TAFA1: variants seen among roughly 807,000 people sequenced by gnomAD.
TAFA1 encodes the protein TAFA chemokine like family member 1.
Under a neutral mutation model 18.5 loss-of-function variants are expected in TAFA1, and 4 were observed. The ratio of observed to expected loss-of-function variants is 0.22; its 90% CI spans 0.11 to 0.49. TAFA1 has a LOEUF of 0.49. Among genes scored for constraint, TAFA1 ranks in the 20% least tolerant of loss-of-function variants. The pLI is 0.98. For synonymous variants in TAFA1, 56 were observed against 55.2 expected (o/e 1.01, Z -0.06); for missense variants, 147 against 169.0 (o/e 0.87, Z 0.72).
At chr3:68,452,611 A>G (rs2071584780) in intron 3 of TAFA1, among the ~76,000 whole-genome samples, 3 of 151,936 alleles carry the variant, frequency 2.0e-5, no homozygotes, top group South Asian at 2.1e-4. Flanking sequence ...AATGCCCTAT[A>G]TTGTGTCAAG....
chr3:68,139,685 T>A (rs1323290925), intron 2 of TAFA1, among the ~76,000 whole-genome samples: 1 of 152,220 alleles, frequency 6.6e-6, no homozygotes, highest in Non-Finnish European at 1.5e-5. Context: ...GTTAAGATCA[T>A]GTAATTATGC....
intron 2 of TAFA1, among the ~76,000 whole-genome samples, chr3:68,249,809 A>G (rs1372766336): frequency 1.3e-5 from 2 of 152,156 alleles, no homozygotes; most frequent in South Asian, 2.1e-4. Flanking sequence ...CATTGACCCA[A>G]TATGAAGCCC....
chr3:68,145,097 G>T lies in TAFA1; in HGVS notation c.118+138353G>T, dbSNP rs182572268. 5.4e-5 allele frequency: 64 copies of T among 1,186,872 alleles called. No individual in the cohort carries two copies. The East Asian group carries it at 1.5e-3, about 28-fold the overall frequency. 73.5% of individuals were successfully genotyped at this position (1,186,872 alleles called of 1,614,324 possible). On this transcript the variant is annotated intron_variant, in intron 2 of 4. Transcript: ENST00000478136. ...GGAGCTCGAGGCCCCTGGAGGAATT[G>T]CTACACCCCCAGTGTATGGTCAGCG... is the stretch of plus-strand genomic sequence containing the variant.
chr3:68,185,471 A>C (rs569843502), intron 2 of TAFA1, among the ~76,000 whole-genome samples: 2 of 152,162 alleles, frequency 1.3e-5, no homozygotes, highest in African/African-American at 2.4e-5. Flanking sequence ...GCTCCACCAG[A>C]GTACAGCTTG....
intron 2 of TAFA1, among the ~76,000 whole-genome samples, chr3:68,302,600 A>G (rs921372945): frequency 2.0e-5 from 3 of 151,986 alleles, no homozygotes; most frequent in African/African-American, 4.8e-5. Context: ...TTCCAAGAGA[A>G]TGGAGTACTT....
At chr3:68,438,617 T>G (rs1018314684) in intron 3 of TAFA1, among the ~76,000 whole-genome samples, 1 of 151,138 alleles carries the variant, frequency 6.6e-6, no homozygotes, top group Admixed American at 6.6e-5. Flanking sequence ...TCAACGCACC[T>G]TTCCACTCAG....
intron 2 of TAFA1, among the ~76,000 whole-genome samples, chr3:68,212,597 G>A (rs1212406904): frequency 2.0e-5 from 3 of 151,978 alleles, no homozygotes; most frequent in African/African-American, 7.2e-5. Context: ...CACTCATACA[G>A]TATAAGTGTG....
intron 3 of TAFA1, among the ~76,000 whole-genome samples, chr3:68,445,409 T>G (rs1207830182): frequency 6.6e-6 from 1 of 152,168 alleles, no homozygotes; most frequent in African/African-American, 2.4e-5. Context: ...ACAAGAATAT[T>G]GTTTTAATTA....
chr3:68,296,866 A>G (rs745536691), intron 2 of TAFA1, among the ~76,000 whole-genome samples: 5 of 152,244 alleles, frequency 3.3e-5, no homozygotes, highest in Non-Finnish European at 5.9e-5. Context: ...AAAAATTAAC[A>G]GTAGTAAATA....
intron 2 of TAFA1, among the ~76,000 whole-genome samples, chr3:68,237,661 C>T (rs545658906): frequency 1.3e-5 from 2 of 152,142 alleles, no homozygotes; most frequent in African/African-American, 4.8e-5. Flanking sequence ...TACCTATACA[C>T]TTTTTGCCTT....
intron 3 of TAFA1, among the ~76,000 whole-genome samples, chr3:68,443,000 A>C (rs892773167): frequency 2.0e-5 from 3 of 152,164 alleles, no homozygotes; most frequent in African/African-American, 7.2e-5. Context: ...ATGTGGTGAT[A>C]CAGGAAGCCT....
At chr3:68,389,400 T>A (rs925353257) in intron 2 of TAFA1, among the ~76,000 whole-genome samples, 12 of 152,210 alleles carry the variant, frequency 7.9e-5, no homozygotes, top group African/African-American at 2.9e-4. Context: ...CTATTATGAA[T>A]AAGGCATTTA....
chr3:68,389,218 G>T (rs1433240514), intron 2 of TAFA1, among the ~76,000 whole-genome samples: 1 of 152,160 alleles, frequency 6.6e-6, no homozygotes, highest in East Asian at 1.9e-4. Context: ...ATTTACAAAT[G>T]ATCGCATGTC....
At chr3:68,079,632 A>T (rs372362339) in intron 2 of TAFA1, among the ~76,000 whole-genome samples, 2 of 151,970 alleles carry the variant, frequency 1.3e-5, no homozygotes, top group East Asian at 1.9e-4. Flanking sequence ...TTTGAGTGAG[A>T]TTCTTAATCC....
At chr3:68,127,687 GTGA>G (rs1366406106) in intron 2 of TAFA1, among the ~76,000 whole-genome samples, 4 of 148,542 alleles carry the variant, frequency 2.7e-5, no homozygotes, top group South Asian at 2.2e-4. Flanking sequence ...TGGTGGTGGT[GTGA>G]TGATGGTGGT....
intron 2 of TAFA1, among the ~76,000 whole-genome samples, chr3:68,372,926 C>T (rs1328759344): frequency 1.3e-5 from 2 of 152,226 alleles, no homozygotes; most frequent in South Asian, 2.1e-4. Context: ...GCATTTAAAA[C>T]GATAGTAAAC....
At chr3:68,531,224 T>C (rs1011418011) in intron 3 of TAFA1, among the ~76,000 whole-genome samples, 2 of 152,178 alleles carry the variant, frequency 1.3e-5, no homozygotes, top group African/African-American at 2.4e-5. Flanking sequence ...CGTATCCATG[T>C]GGGTCTGCAG....
Sources: allele counts gnomAD v4.1 joint callset (sites outside exome capture counted in the v4.1 genomes callset), GRCh38; gene constraint gnomAD v4.1.1; transcripts MANE v1.5; gene names NCBI Gene and HGNC (gene_info 2026-07-23, HGNC 2026-07-21).